The following ODAD2 variants were observed in gnomAD, a reference collection of about 807,000 sequenced individuals.
ODAD2 encodes the protein outer dynein arm-docking complex subunit 2.
A neutral mutation model predicts 106.8 loss-of-function variants in ODAD2; 89 were observed. The ratio of observed to expected loss-of-function variants is 0.83; its 90% CI spans 0.70 to 0.99. The LOEUF (loss-of-function observed/expected upper bound fraction) is 0.99. Among genes scored for constraint, ODAD2 ranks in the 50% least tolerant of loss-of-function variants. ODAD2 has a pLI of 0.00. For missense variants in ODAD2, 1,168 were observed against 1,238.5 expected (o/e 0.94, Z 0.85); for synonymous variants, 404 against 436.2 (o/e 0.93, Z 0.92).
chr10:27,936,054 T>C (rs546940230), intron 15 of ODAD2, among the ~76,000 whole-genome samples: 1 of 152,204 alleles, frequency 6.6e-6, no homozygotes, highest in Non-Finnish European at 1.5e-5. Flanking sequence ...AATCTAGCCA[T>C]GACTTCACTA....
At chr10:27,820,337 T>C (rs1836502936) in intron 19 of ODAD2, among the ~76,000 whole-genome samples, 1 of 151,920 alleles carries the variant, frequency 6.6e-6, no homozygotes, top group African/African-American at 2.4e-5. Flanking sequence ...AGTCTCTGCT[T>C]GGGCTTTCTA....
At chr10:27,984,885 A>AT in intron 4 of ODAD2, 134 bp downstream of exon 4, 1 of 407,544 alleles carries the variant, frequency 2.5e-6, no homozygotes, top group Non-Finnish European at 4.0e-6. Context: ...TAATTTTTTA[A>AT]TTTTAATTGT....
At chr10:27,929,775 G>A (rs1845487411) in intron 16 of ODAD2, among the ~76,000 whole-genome samples, 1 of 152,144 alleles carries the variant, frequency 6.6e-6, no homozygotes, top group African/African-American at 2.4e-5. Context: ...AGAAGATGCA[G>A]AGAAGTTTAC....
chr10:27,985,023 A>G lies in ODAD2; in HGVS notation c.571T>C (p.Ser191Pro), dbSNP rs11599060. Residue 191 changes from serine (S) to proline (P), a missense_variant, in exon 4 of 20, where the codon TCA becomes CCA. By Grantham distance (74) the Ser-to-Pro change is moderately conservative. Coordinates refer to ENST00000305242, the MANE Select transcript of ODAD2 (RefSeq NM_018076.5). ...HLLNHSLKHI[S>P]LEISLSPMTV... ...TCCTTTTTGAAAAAGACTCACAATG[A>G]AATATGTTTTAGAGAATGATTGAGG... 143 of 1,605,274 alleles carry G rather than the reference A, an allele frequency of 8.9e-5. No individual in the cohort carries two copies. The highest frequency in any genetic ancestry group is 8.8e-4 in the Middle Eastern group (4 of 4,542).
chr10:27,942,532 AC>A (rs1214922298), intron 12 of ODAD2, among the ~76,000 whole-genome samples: 2 of 152,196 alleles, frequency 1.3e-5, no homozygotes, highest in Non-Finnish European at 2.9e-5. Flanking sequence ...GACTTACTGT[AC>A]TAGGTTCCTG....
intron 16 of ODAD2, among the ~76,000 whole-genome samples, chr10:27,931,073 T>C (rs902145290): frequency 2.6e-5 from 4 of 152,130 alleles, no homozygotes; most frequent in Admixed American, 6.6e-5. Flanking sequence ...GGCAAAGTCT[T>C]CACTTCTTCC....
intron 7 of ODAD2, among the ~76,000 whole-genome samples, chr10:27,973,212 A>AATACACAC (rs1554823055): frequency 6.7e-6 from 1 of 148,236 alleles, no homozygotes; most frequent in African/African-American, 2.5e-5. Flanking sequence ...TGGTCAAAAT[A>AATACACAC]ATACATACAT....
intron 1 of ODAD2, 133 bp from the exon 2 acceptor site, chr10:27,995,313 TTATC>T (rs1196734848): frequency 9.9e-7 from 1 of 1,006,698 alleles, no homozygotes; most frequent in African/African-American, 1.6e-5. Flanking sequence ...TCTTTTAACA[TTATC>T]TAATTGCTCT....
intron 17 of ODAD2, among the ~76,000 whole-genome samples, chr10:27,897,179 TC>T (rs1487706605): frequency 1.3e-5 from 2 of 152,096 alleles, no homozygotes; most frequent in African/African-American, 4.8e-5. Flanking sequence ...CTGCCTTCTT[TC>T]TTTACTTCAC....
At chr10:27,906,062 C>T (rs1843564394) in intron 17 of ODAD2, among the ~76,000 whole-genome samples, 1 of 152,148 alleles carries the variant, frequency 6.6e-6, no homozygotes. Flanking sequence ...AAGAAACTAT[C>T]ATCAGAGTGA....
intron 13 of ODAD2, 37 bp downstream of exon 13, chr10:27,940,526 G>A (rs1846331677): frequency 6.2e-7 from 1 of 1,605,818 alleles, no homozygotes; most frequent in South Asian, 1.1e-5. Context: ...AGAAAGTCAA[G>A]TTGAGAAGGC....
rs1371692830 is a variant in ODAD2 at position 27,862,613 on chromosome 10, C to G, written c.2620G>C (p.Glu874Gln). The part of the protein sequence containing the change: ...PCIKNAKDAG[E>Q]MVRSFVGGLE... ...CCACCAACAAAGGAACGAACCATTT[C>G]CCCAGCATCCTAGACAAAAATAAAA... is the stretch of plus-strand genomic sequence containing the variant. The change falls in exon 18 of 20, where the codon GAA becomes CAA. Residue 874 changes from glutamate to glutamine, a missense_variant. By Grantham distance (29) the Glu-to-Gln change is conservative. Coordinates refer to ENST00000305242, the MANE Select transcript of ODAD2 (RefSeq NM_018076.5). 1 of 1,599,478 alleles carries G rather than the reference C, an allele frequency of 6.3e-7. No homozygotes were observed. The highest frequency in any genetic ancestry group is 1.7e-5 in the Admixed American group (1 of 57,278).
chr10:27,850,218 G>T (rs534110721), intron 19 of ODAD2, among the ~76,000 whole-genome samples: 1 of 152,252 alleles, frequency 6.6e-6, no homozygotes, highest in Admixed American at 6.5e-5. Flanking sequence ...GCCAAGACGG[G>T]TGAATCACTT....
chr10:27,939,045 T>C (rs1425135219), intron 14 of ODAD2, among the ~76,000 whole-genome samples: 1 of 152,144 alleles, frequency 6.6e-6, no homozygotes, highest in Non-Finnish European at 1.5e-5. Context: ...CCCTTTACCA[T>C]TCTGATCTGT....
At chr10:27,877,664 C>T (rs930285081) in intron 17 of ODAD2, among the ~76,000 whole-genome samples, 15 of 152,172 alleles carry the variant, frequency 9.9e-5, no homozygotes, top group African/African-American at 3.4e-4. Flanking sequence ...CAATGCTGAA[C>T]GACTGGGCAA....
chr10:27,902,587 T>C (rs996434942), intron 17 of ODAD2, among the ~76,000 whole-genome samples: 2 of 151,890 alleles, frequency 1.3e-5, no homozygotes, highest in African/African-American at 4.8e-5. Flanking sequence ...AAGAATCAAA[T>C]AGACACAATA....
At chr10:27,839,795 A>G (rs1838177176) in intron 19 of ODAD2, among the ~76,000 whole-genome samples, 2 of 152,302 alleles carry the variant, frequency 1.3e-5, no homozygotes, top group Admixed American at 6.5e-5. Context: ...TAAAGTGAAG[A>G]CTGTTTTGCA....
chr10:27,951,657 G>A (rs1847334148), intron 10 of ODAD2, among the ~76,000 whole-genome samples: 1 of 151,732 alleles, frequency 6.6e-6, no homozygotes, highest in African/African-American at 2.4e-5. Flanking sequence ...ACTAACAGAG[G>A]GAACTAGAAA....
At position 27,971,300 on chromosome 10, in the gene ODAD2, C is replaced by G; in HGVS notation, c.950G>C (p.Ser317Thr). ...ATCCTTTTCCTTTTGCTGGTCTTCA[C>G]TGAAGCTAATTCCCTTTATTTAAAA... ...ENMSKLGISFSEDQQKEKDQL... is the reference protein window; with the variant it reads ...ENMSKLGISFTEDQQKEKDQL... Residue 317 changes from serine to threonine, a missense_variant, in exon 8 of 20, where the codon AGT becomes ACT. Ser to Thr is a moderately conservative substitution (Grantham distance 58). Around this residue, in one of 3 missense-constraint regions of ODAD2, gnomAD observed 430 missense variants for 452.2 expected, o/e 0.95. Transcript: ENST00000305242. The G allele has an allele frequency of 6.2e-7, 1 of 1,604,286 alleles. No homozygotes were observed. Among genetic ancestry groups the G allele is most frequent in the Non-Finnish European group, 8.5e-7 (1 of 1,175,992 alleles).
Sources: gnomAD v4.1 joint callset for allele counts (sites outside exome capture counted in the v4.1 genomes callset) on GRCh38, gnomAD v4.1.1 for gene constraint, gnomAD v4.1.1 regional missense constraint, MANE v1.5 for transcripts, NCBI Gene and HGNC (gene_info 2026-07-23, HGNC 2026-07-21) for gene names.